Variants in AOPEP observed in about 807,000 individuals in gnomAD.
AOPEP encodes aminopeptidase O (putative).
In AOPEP, 77 loss-of-function variants were observed where a neutral mutation model predicts 98.1. The observed-to-expected ratio is 0.78, with a 90% confidence interval of 0.65 to 0.95. The LOEUF is 0.95. Ranked by LOEUF, AOPEP falls within the 40% of genes least tolerant of loss-of-function variation. AOPEP has a pLI of 0.00. For missense variants in AOPEP, 1,024 were observed against 1,024.7 expected, an observed-to-expected ratio of 1.00 and a Z score of 0.01; for synonymous variants, 346 against 365.3, an observed-to-expected ratio of 0.95 and a Z score of 0.60.
Position 94,800,901 on chromosome 9 carries a change from T to G in AOPEP, c.1263T>G (p.Pro421=). The change falls in exon 5 of 17, where the codon CCT becomes CCG. Residue 421 remains proline, a synonymous_variant. Coordinates refer to ENST00000375315, the MANE Select transcript of AOPEP (RefSeq NM_001193329.3). ...ACQETLLRLI[P]PCLSAAHSVL... is the part of the protein sequence containing the mutation. ...AAGAGACCCTTCTGCGGCTGATCCC[T>G]CCTTGCCTCTCAGCAGCACATTCTG... The G allele has an allele frequency of 6.2e-7, 1 of 1,614,144 alleles. No homozygotes were observed. The highest frequency in any genetic ancestry group is 8.5e-7 in the Non-Finnish European group (1 of 1,180,026).
intron 6 of AOPEP, among the ~76,000 whole-genome samples, chr9:94,926,481 C>T (rs971101853): frequency 5.3e-5 from 8 of 152,164 alleles, no homozygotes; most frequent in Admixed American, 2.0e-4. Context: ...CATGAATATC[C>T]CTGAGGCAAA....
the AOPEP span, among the ~76,000 whole-genome samples, chr9:95,139,363 T>G: frequency 6.6e-6 from 1 of 152,164 alleles, no homozygotes; most frequent in African/African-American, 2.4e-5. Context: ...GCCAGTCATG[T>G]GGTGCCACTG....
At chr9:94,796,665 T>C (rs77355412) in intron 4 of AOPEP, among the ~76,000 whole-genome samples, 205 of 152,348 alleles carry the variant, frequency 1.3e-3, no homozygotes, top group African/African-American at 4.8e-3. Context: ...ACTGAACTTT[T>C]ATGATCAGTG....
chr9:94,728,239 G>GCACACACACACACACA (rs78505500), intron 1 of AOPEP, among the ~76,000 whole-genome samples: 177 of 146,596 alleles, frequency 1.2e-3, no homozygotes, highest in East Asian at 4.3e-3. Context: ...GTGCGCGCAT[G>GCACACACACACACACA]CACACACACA....
chr9:94,881,475 C>T (rs1045316190), intron 5 of AOPEP, among the ~76,000 whole-genome samples: 48 of 152,278 alleles, frequency 3.2e-4, no homozygotes, highest in African/African-American at 1.1e-3. Flanking sequence ...TTCCTTTGGT[C>T]TCAGCCCCTG....
intron 13 of AOPEP, among the ~76,000 whole-genome samples, chr9:95,041,128 C>T (rs1050646262): frequency 2.1e-4 from 32 of 151,550 alleles, no homozygotes; most frequent in African/African-American, 7.0e-4. Context: ...TCACGTTTTA[C>T]CAGTTCTTTT....
intron 13 of AOPEP, among the ~76,000 whole-genome samples, chr9:95,051,089 CTTTTT>C (rs34143867): frequency 7.7e-6 from 1 of 129,946 alleles, no homozygotes; most frequent in Non-Finnish European, 1.6e-5. Flanking sequence ...TTGTGGCTTA[CTTTTT>C]TTTTTTTTTT....
the AOPEP span, chr9:95,117,446 G>A: frequency 1.2e-5 from 18 of 1,467,368 alleles, no homozygotes; most frequent in African/African-American, 2.4e-4. Flanking sequence ...AACGGGGTCA[G>A]GAAAATACAA....
chr9:94,952,976 G>A (rs2058210146), intron 7 of AOPEP, among the ~76,000 whole-genome samples: 1 of 152,224 alleles, frequency 6.6e-6, no homozygotes, highest in Admixed American at 6.5e-5. Flanking sequence ...GAACCTGGAA[G>A]CCAGCCTTCT....
At chr9:94,887,524 T>G (rs1028384657) in intron 5 of AOPEP, among the ~76,000 whole-genome samples, 1 of 152,156 alleles carries the variant, frequency 6.6e-6, no homozygotes, top group Non-Finnish European at 1.5e-5. Flanking sequence ...AAGATGGGGC[T>G]TCTACTACTT....
chr9:95,086,769 A>T lies in AOPEP; in HGVS notation c.*92A>T. 1.0e-6 allele frequency: 1 copy of T among 988,056 alleles called. No individual in the cohort carries two copies. Among genetic ancestry groups the T allele is most frequent in the East Asian group, 1.1e-4 (1 of 8,790 alleles). 61.2% of individuals were successfully genotyped at this position (988,056 alleles called of 1,614,324 possible). ...GACCCTGGACATCAAAGGAGGGATT[A>T]TGTGGCTGCTAAAGCCATCGGCCCA... On this transcript the variant is annotated 3_prime_UTR_variant, in exon 17 of 17. Coordinates refer to ENST00000375315, the MANE Select transcript of AOPEP (RefSeq NM_001193329.3).
chr9:94,996,803 A>G (rs1441876414), intron 11 of AOPEP, among the ~76,000 whole-genome samples: 1 of 152,230 alleles, frequency 6.6e-6, no homozygotes, highest in Non-Finnish European at 1.5e-5. Context: ...TGTGTTTTCT[A>G]AACAATAGAG....
intron 14 of AOPEP, among the ~76,000 whole-genome samples, chr9:95,061,440 A>G (rs1414711361): frequency 2.0e-5 from 3 of 152,250 alleles, no homozygotes; most frequent in Non-Finnish European, 4.4e-5. Context: ...AAGACTCCCA[A>G]AATGCAGAAA....
At chr9:95,126,506 A>G in the AOPEP span, 10 of 1,609,222 alleles carry the variant, frequency 6.2e-6, no homozygotes, top group Non-Finnish European at 8.5e-6. Flanking sequence ...ATCAATTACT[A>G]GAAGAAACAG....
chr9:95,126,510 G>A, the AOPEP span: 6 of 1,611,300 alleles, frequency 3.7e-6, no homozygotes, highest in East Asian at 4.5e-5. Flanking sequence ...ATTACTAGAA[G>A]AAACAGTGTA....
intron 13 of AOPEP, among the ~76,000 whole-genome samples, chr9:95,051,942 A>G (rs1158892145): frequency 6.6e-6 from 1 of 152,140 alleles, no homozygotes; most frequent in Non-Finnish European, 1.5e-5. Context: ...TGACCTCGTG[A>G]TCTGCCCACC....
intron 5 of AOPEP, among the ~76,000 whole-genome samples, chr9:94,837,185 A>G (rs1032081573): frequency 2.6e-5 from 4 of 152,192 alleles, no homozygotes; most frequent in African/African-American, 9.7e-5. Context: ...AGGAATATAC[A>G]ACTCTCCTAG....
At chr9:94,888,065 G>A (rs1314724249) in intron 5 of AOPEP, among the ~76,000 whole-genome samples, 2 of 152,170 alleles carry the variant, frequency 1.3e-5, no homozygotes, top group African/African-American at 4.8e-5. Context: ...CTTAAAAAGA[G>A]GATTATTTTA....
At chr9:94,881,701 T>C (rs1446390561) in intron 5 of AOPEP, among the ~76,000 whole-genome samples, 2 of 152,226 alleles carry the variant, frequency 1.3e-5, no homozygotes, top group Non-Finnish European at 2.9e-5. Flanking sequence ...TATTCCTTGC[T>C]GTTATTTTGA....
Sources: allele counts gnomAD v4.1 joint callset (sites outside exome capture counted in the v4.1 genomes callset), GRCh38; gene constraint gnomAD v4.1.1; transcripts MANE v1.5; gene names NCBI Gene and HGNC (gene_info 2026-07-23, HGNC 2026-07-21).